Variants in CD59 observed in about 807,000 individuals in gnomAD.
The protein encoded by CD59 is CD59 molecule (CD59 blood group).
Under a neutral mutation model 7.0 loss-of-function variants are expected in CD59, and 3 were observed. The observed-to-expected ratio is 0.43, with a 90% CI of 0.19 to 1.10. CD59 has a LOEUF of 1.10. Ranked by LOEUF, CD59 falls within the 50% of genes least tolerant of loss-of-function variation. CD59 has a pLI of 0.29. For synonymous variants in CD59, 60 were observed against 62.0 expected (o/e 0.97, Z 0.15); for missense variants, 143 against 151.0 (o/e 0.95, Z 0.28).
At chr11:33,733,303 G>A (rs1854470590) in intron 1 of CD59, among the ~76,000 whole-genome samples, 1 of 152,226 alleles carries the variant, frequency 6.6e-6, no homozygotes, top group East Asian at 1.9e-4. Flanking sequence ...TAAATTTGTG[G>A]TGGTTTCAGC....
At chr11:33,720,311 C>A (rs902214753) in intron 2 of CD59, among the ~76,000 whole-genome samples, 1 of 152,200 alleles carries the variant, frequency 6.6e-6, no homozygotes, top group Admixed American at 6.5e-5. Context: ...GCTGTCAGTT[C>A]TAAAATCCAA....
intron 1 of CD59, chr11:33,723,065 G>T: frequency 4.7e-6 from 3 of 642,446 alleles, no homozygotes; most frequent in Non-Finnish European, 3.9e-6. Context: ...TGAGAAGAAG[G>T]AAAGCCTGAA....
intron 1 of CD59, among the ~76,000 whole-genome samples, chr11:33,734,832 G>A (rs1854519099): frequency 6.6e-6 from 1 of 152,190 alleles, no homozygotes; most frequent in African/African-American, 2.4e-5. Context: ...TAAAGAGGTG[G>A]CCCAGAATTT....
intron 1 of CD59, among the ~76,000 whole-genome samples, chr11:33,723,465 AAGGG>A (rs1209658902): frequency 2.6e-5 from 4 of 152,240 alleles, no homozygotes; most frequent in Admixed American, 6.5e-5. Flanking sequence ...GTTCCAGGAA[AAGGG>A]CAGGGTCTGA....
At chr11:33,718,548 T>C (rs1345198149) in intron 2 of CD59, 1 of 151,994 alleles carries the variant, frequency 6.6e-6, no homozygotes, top group African/African-American at 2.4e-5. Context: ...GGACAGGGTA[T>C]CATTACTGAA....
At chr11:33,718,780 T>G (rs982403378) in intron 2 of CD59, 4 of 152,276 alleles carry the variant, frequency 2.6e-5, no homozygotes, top group Admixed American at 2.0e-4. Context: ...TAGCTGTCAG[T>G]TTTTGCTGGG....
At chr11:33,723,008 TA>T in intron 1 of CD59, 1 of 1,010,614 alleles carries the variant, frequency 9.9e-7, no homozygotes, top group Non-Finnish European at 1.2e-6. Flanking sequence ...AGCAACTTTG[TA>T]AGTTTCCATT....
chr11:33,723,419 G>A (rs945770254), intron 1 of CD59, among the ~76,000 whole-genome samples: 1 of 152,190 alleles, frequency 6.6e-6, no homozygotes, highest in African/African-American at 2.4e-5. Context: ...CTGCTACTTA[G>A]GAATTTGCTG....
chr11:33,714,872 T>C (rs1291307356), intron 3 of CD59, among the ~76,000 whole-genome samples: 2 of 151,886 alleles, frequency 1.3e-5, no homozygotes, highest in Non-Finnish European at 2.9e-5. Context: ...CATGGGGCTG[T>C]CCTGTCCTAG....
At chr11:33,733,910 G>A (rs920748321) in intron 1 of CD59, among the ~76,000 whole-genome samples, 5 of 152,336 alleles carry the variant, frequency 3.3e-5, no homozygotes, top group South Asian at 4.1e-4. Flanking sequence ...TTTAAGGCTA[G>A]AAGTGTCCTC....
At chr11:33,712,673 G>C (rs1175438549) in intron 3 of CD59, among the ~76,000 whole-genome samples, 2 of 152,222 alleles carry the variant, frequency 1.3e-5, no homozygotes, top group African/African-American at 4.8e-5. Context: ...TCTTTTCAAG[G>C]TGACAGAAAG....
chr11:33,730,392 C>T (rs958649675), intron 1 of CD59, among the ~76,000 whole-genome samples: 2 of 152,020 alleles, frequency 1.3e-5, no homozygotes, highest in Non-Finnish European at 1.5e-5. Context: ...CCCACCTGGG[C>T]GACAGAGTAA....
At position 33,704,569 on chromosome 11, in the gene CD59, C is replaced by T. The variant is rs771628661; in HGVS notation, c.*5557G>A. 17 of 152,178 alleles carry T rather than the reference C, an allele frequency of 1.1e-4. No homozygotes were observed. Among genetic ancestry groups the T allele is most frequent in the Non-Finnish European group, 1.9e-4 (13 of 68,044 alleles). 9.4% of individuals were successfully genotyped at this position (152,178 alleles called of 1,614,324 possible). ...ACACAAGAGGCTACTGTGTCCCAGGCACTTGTCTTAACTCATTTAACTTTT... is the reference window on the plus strand; with the variant it reads ...ACACAAGAGGCTACTGTGTCCCAGGTACTTGTCTTAACTCATTTAACTTTT... On this transcript the variant is annotated 3_prime_UTR_variant, in exon 4 of 4. Transcript: ENST00000642928.
At chr11:33,725,187 G>T (rs562464257) in intron 1 of CD59, among the ~76,000 whole-genome samples, 1 of 150,192 alleles carries the variant, frequency 6.7e-6, no homozygotes, top group African/African-American at 2.5e-5. Context: ...AGAAACATCA[G>T]GAAAATTCAC....
chr11:33,717,455 G>A lies in CD59; in HGVS notation c.84C>T (p.Cys28=), dbSNP rs1853849042. The A allele has an allele frequency of 6.2e-7, 1 of 1,609,148 alleles. No homozygotes were observed. Among genetic ancestry groups the A allele is most frequent in the Non-Finnish European group, 8.5e-7 (1 of 1,175,526 alleles). The change falls in exon 3 of 4, where the codon TGC becomes TGT. Residue 28 remains cysteine (C), a synonymous_variant. Coordinates refer to ENST00000642928, the MANE Select transcript of CD59 (RefSeq NM_000611.6). ...VFCHSGHSLQ[C]YNCPNPTADC... is the part of the protein sequence containing the mutation. ...CAGCAGTTGGGTTAGGACAGTTGTA[G>A]CACTGCAGGCTATGACCTAGAATCA...
At position 33,703,655 on chromosome 11, in the gene CD59, G is replaced by A. The variant is rs1453070234; in HGVS notation, c.*6471C>T. ...CTACCTTAAGCTTACCCAGCGTGAG[G>A]CCAGGTTAGAAAGTCACAGGCCTTG... On this transcript the variant is annotated 3_prime_UTR_variant, in exon 4 of 4. Transcript: ENST00000642928. The A allele has an allele frequency of 6.6e-6, 1 of 152,190 alleles. No individual in the cohort carries two copies. Among genetic ancestry groups the A allele is most frequent in the East Asian group, 1.9e-4 (1 of 5,194 alleles). The allele number at this position is 152,190 out of a possible 1,614,324, so 9.4% of individuals were successfully genotyped here. A position where few individuals can be genotyped will look rare whatever the true frequency, so the allele number is the denominator to read the frequency against.
chr11:33,735,512 C>T (rs890364259), intron 1 of CD59, among the ~76,000 whole-genome samples: 2 of 152,126 alleles, frequency 1.3e-5, no homozygotes, highest in Non-Finnish European at 2.9e-5. Flanking sequence ...CTCGGCTCAC[C>T]GCTACCTCAG....
At position 33,705,168 on chromosome 11, in the gene CD59, G is replaced by A. The variant is rs965173798; in HGVS notation, c.*4958C>T. ...GGCATCAACTAGCCATGCTACCTTG[G>A]GCAAAATAACCGTAGCTAACACTTA... is the stretch of plus-strand genomic sequence containing the variant. On this transcript the variant is annotated 3_prime_UTR_variant, in exon 4 of 4. Coordinates refer to ENST00000642928, the MANE Select transcript of CD59 (RefSeq NM_000611.6). The A allele has an allele frequency of 3.3e-5, 5 of 152,172 alleles. No homozygotes were observed. The highest frequency in any genetic ancestry group is 1.2e-4 in the African/African-American group (5 of 41,426). 9.4% of individuals were successfully genotyped at this position (152,172 alleles called of 1,614,324 possible). A position where few individuals can be genotyped will look rare whatever the true frequency, so the allele number is the denominator to read the frequency against.
At chr11:33,712,396 G>A (rs1473531835) in intron 3 of CD59, among the ~76,000 whole-genome samples, 1 of 152,194 alleles carries the variant, frequency 6.6e-6, no homozygotes. Context: ...TCCATTACTG[G>A]TGAATGGATA....
Sources: gnomAD v4.1 joint callset for allele counts (sites outside exome capture counted in the v4.1 genomes callset) on GRCh38, gnomAD v4.1.1 for gene constraint, MANE v1.5 for transcripts, NCBI Gene and HGNC (gene_info 2026-07-23, HGNC 2026-07-21) for gene names.